The following SPG11 variants were observed in gnomAD, a reference collection of about 807,000 sequenced individuals.
SPG11 encodes the protein spatacsin.
A neutral mutation model predicts 274.0 loss-of-function variants in SPG11; 222 were observed. The observed-to-expected ratio is 0.81, with a 90% CI of 0.73 to 0.91. The LOEUF (loss-of-function observed/expected upper bound fraction) is 0.91, where lower values mean the gene tolerates loss of function less well. Ranked by LOEUF, SPG11 falls within the 40% of genes least tolerant of loss-of-function variation. SPG11 has a pLI of 0.00. For synonymous variants in SPG11, 1,144 were observed against 1,039.7 expected, an observed-to-expected ratio of 1.10 and a Z score of -1.93; for missense variants, 3,114 against 2,872.7, an observed-to-expected ratio of 1.08 and a Z score of -1.92.
chr15:44,581,149 A>G (rs1312199172), intron 30 of SPG11, among the ~76,000 whole-genome samples: 1 of 152,190 alleles, frequency 6.6e-6, no homozygotes, highest in African/African-American at 2.4e-5. Flanking sequence ...TTCATCAGAC[A>G]CCATGGAGGC....
At chr15:44,604,326 C>G (rs1202835800) in intron 20 of SPG11, 2 of 260,616 alleles carry the variant, frequency 7.7e-6, no homozygotes, top group Non-Finnish European at 1.6e-5. Context: ...CTTGTGAGAA[C>G]AGAGCGACTT....
intron 8 of SPG11, among the ~76,000 whole-genome samples, chr15:44,632,538 G>A (rs1340518012): frequency 6.7e-6 from 1 of 149,218 alleles, no homozygotes; most frequent in East Asian, 1.9e-4. Context: ...TTTTTTGAGA[G>A]TCGTACTTTG....
At position 44,663,479 on chromosome 15, in the gene SPG11, G is replaced by C. The variant is rs777780299; in HGVS notation, c.169C>G (p.Leu57Val). Residue 57 changes from leucine (L) to valine (V), a missense_variant, in exon 1 of 40, where the codon CTG becomes GTG. Physicochemically the swap from Leu to Val is conservative, Grantham distance 32. Coordinates refer to ENST00000261866, the MANE Select transcript of SPG11 (RefSeq NM_025137.4). ...ACTTGGAGGCTGCCCGCAGCCGTCAGGCTCCCCAGAGCCTCCGGCTGTGTG... is the reference window on the plus strand; with the variant it reads ...ACTTGGAGGCTGCCCGCAGCCGTCACGCTCCCCAGAGCCTCCGGCTGTGTG... ...LRTQPEALGS[L>V]TAAGSLQVLS... 1 of 1,593,852 alleles carries C rather than the reference G, an allele frequency of 6.3e-7. No individual in the cohort carries two copies. Among genetic ancestry groups the C allele is most frequent in the South Asian group, 1.1e-5 (1 of 88,656 alleles).
At chr15:44,604,789 G>A (rs752490475) in intron 20 of SPG11, among the ~76,000 whole-genome samples, 3 of 151,500 alleles carry the variant, frequency 2.0e-5, no homozygotes, top group Non-Finnish European at 4.4e-5. Context: ...TTAGCCAGGC[G>A]TGGTGGTGGG....
chr15:44,585,600 T>C lies in SPG11; in HGVS notation c.5121+36A>G, dbSNP rs1380908322. The C allele has an allele frequency of 9.2e-6, 12 of 1,300,256 alleles. No individual in the cohort carries two copies. In the Admixed American group the frequency reaches 2.2e-4, roughly 24 times the overall value. The allele number at this position is 1,300,256 out of a possible 1,614,324, so 80.5% of individuals were successfully genotyped here. On this transcript the variant is annotated intron_variant, in intron 29 of 39. Coordinates refer to ENST00000261866, the MANE Select transcript of SPG11 (RefSeq NM_025137.4). ...CTGGGTGACAGAGCAAGACCCCGTA[T>C]CTAAAAAAAAAAAAAAAAAAAAAGA...
At chr15:44,620,513 A>G (rs1351512112) in intron 14 of SPG11, 110 bp from the exon 15 acceptor site, 1 of 785,704 alleles carries the variant, frequency 1.3e-6, no homozygotes, top group South Asian at 1.8e-5. Context: ...ATATTTATAC[A>G]ATATATTAAT....
At chr15:44,577,111 A>G (rs1170951600) in intron 30 of SPG11, among the ~76,000 whole-genome samples, 1 of 152,166 alleles carries the variant, frequency 6.6e-6, no homozygotes, top group African/African-American at 2.4e-5. Context: ...TACAGGCATG[A>G]GCCACTGTGC....
chr15:44,620,172 G>C lies in SPG11; in HGVS notation c.2834+18C>G. ...CTTGTATTCTTCCCATTGGGTATTA[G>C]TTCAACAGTTATAATACCTGGCCAG... is the stretch of plus-strand genomic sequence containing the variant. On this transcript the variant is annotated intron_variant, in intron 15 of 39. Coordinates refer to ENST00000261866, the MANE Select transcript of SPG11 (RefSeq NM_025137.4). The C allele has an allele frequency of 6.3e-7, 1 of 1,579,604 alleles. No individual in the cohort carries two copies. Among genetic ancestry groups the C allele is most frequent in the South Asian group, 1.1e-5 (1 of 90,248 alleles).
Position 44,565,954 on chromosome 15 carries a change from A to G in SPG11, c.6899T>C (p.Leu2300Pro), listed in dbSNP as rs371334506. 8.1e-6 allele frequency: 13 copies of G among 1,613,886 alleles called. No individual in the cohort carries two copies. The highest frequency in any genetic ancestry group is 1.1e-5 in the Non-Finnish European group (13 of 1,180,018). Residue 2300 changes from leucine to proline, a missense_variant, in exon 38 of 40, where the codon CTG (leucine) becomes CCG (proline). Transcript: ENST00000261866. ...HCQRLTKLITLQIHFLNTGQN... is the reference protein window; with the variant it reads ...HCQRLTKLITPQIHFLNTGQN... Reference sequence around the variant, plus strand: ...GCCAGTGTTCAGAAAGTGAATCTGCAGAGTTATCAACTTGGTGAGCCGCTG... The same window carrying G: ...GCCAGTGTTCAGAAAGTGAATCTGCGGAGTTATCAACTTGGTGAGCCGCTG...
intron 7 of SPG11, 39 bp downstream of exon 7, chr15:44,648,827 A>G (rs956450922): frequency 6.2e-7 from 1 of 1,603,388 alleles, no homozygotes; most frequent in Admixed American, 1.7e-5. Flanking sequence ...TATAACACAA[A>G]ATAATTAAGT....
intron 2 of SPG11, 111 bp downstream of exon 2, chr15:44,660,321 A>G (rs979583326): frequency 1.3e-5 from 12 of 907,576 alleles, no homozygotes; most frequent in Middle Eastern, 2.7e-4. Context: ...AGTGACTACT[A>G]TATCAGACAG....
At chr15:44,606,131 T>C (rs763024926) in intron 19 of SPG11, 40 bp from the exon 20 acceptor site, 8 of 1,583,728 alleles carry the variant, frequency 5.1e-6, no homozygotes, top group Non-Finnish European at 5.2e-6. Context: ...AGAAGTTCAC[T>C]GATTATAAAA....
intron 8 of SPG11, among the ~76,000 whole-genome samples, chr15:44,632,917 T>C (rs1006472973): frequency 3.3e-5 from 5 of 152,316 alleles, no homozygotes; most frequent in East Asian, 1.9e-4. Context: ...TTTTCTGTTG[T>C]GTATAAAACT....
At position 44,633,606 on chromosome 15, in the gene SPG11, A is replaced by C. The variant is rs2141056960; in HGVS notation, c.1634T>G (p.Val545Gly). The part of the protein sequence containing the change: ...AGIENRQLDT[V>G]NFFLKSKENL... ...TTCCTTGCTCTTCAAAAAGAAATTT[A>C]CTGTGTCCAGCTGACGATTTTCTAT... The change falls in exon 8 of 40, where the codon GTA (valine) becomes GGA (glycine). Residue 545 changes from valine to glycine, a missense_variant. By Grantham distance (109) the Val-to-Gly change is moderately radical. Coordinates refer to ENST00000261866, the MANE Select transcript of SPG11 (RefSeq NM_025137.4). 1.2e-6 allele frequency: 2 copies of C among 1,613,758 alleles called. No individual in the cohort carries two copies. Among genetic ancestry groups the C allele is most frequent in the Non-Finnish European group, 1.7e-6 (2 of 1,179,842 alleles).
chr15:44,608,712 G>T, intron 18 of SPG11, 107 bp from the exon 19 acceptor site: 1 of 1,084,880 alleles, frequency 9.2e-7, no homozygotes, highest in Non-Finnish European at 1.3e-6. Context: ...AGAAGAGTAT[G>T]TGGTAGTGAA....
At chr15:44,577,502 CAAAA>C (rs755097423) in intron 30 of SPG11, among the ~76,000 whole-genome samples, 6 of 91,706 alleles carry the variant, frequency 6.5e-5, no homozygotes, top group Non-Finnish European at 2.1e-5. Flanking sequence ...GGCCCTATCT[CAAAA>C]AAAAAAAAAA....
At chr15:44,648,512 CAAAAAAAA>C (rs57643988) in intron 7 of SPG11, among the ~76,000 whole-genome samples, 1 of 54,180 alleles carries the variant, frequency 1.8e-5, no homozygotes, top group South Asian at 6.0e-4. Flanking sequence ...CACCCTGTGT[CAAAAAAAA>C]AAAAAAAAAA....
intron 31 of SPG11, among the ~76,000 whole-genome samples, chr15:44,574,017 A>AGG (rs1555447629): frequency 6.6e-6 from 1 of 151,380 alleles, no homozygotes; most frequent in Non-Finnish European, 1.5e-5. Flanking sequence ...CAGGGTTGGG[A>AGG]GGGGTGGCAG....
chr15:44,564,620 C>G lies in SPG11; in HGVS notation c.7078G>C (p.Asp2360His). 6.2e-7 allele frequency: 1 copy of G among 1,613,620 alleles called. No individual in the cohort carries two copies. Among genetic ancestry groups the G allele is most frequent in the Non-Finnish European group, 8.5e-7 (1 of 1,179,534 alleles). The change falls in exon 39 of 40, where the codon GAC becomes CAC. Residue 2360 changes from aspartate (D) to histidine (H), a missense_variant. Physicochemically the swap from Asp to His is moderately conservative, Grantham distance 81. Coordinates refer to ENST00000261866, the MANE Select transcript of SPG11 (RefSeq NM_025137.4). ...ILYQQVILKG[D>H]FNYLEEFKQQ... is the part of the protein sequence containing the mutation. Reference sequence around the variant, plus strand: ...TTAAATTCTTCCAAGTAATTAAAGTCTCCTTTAAGAATCACTTGCTGGTAT... The same window carrying G: ...TTAAATTCTTCCAAGTAATTAAAGTGTCCTTTAAGAATCACTTGCTGGTAT...
Sources: allele counts gnomAD v4.1 joint callset (sites outside exome capture counted in the v4.1 genomes callset), GRCh38; gene constraint gnomAD v4.1.1; transcripts MANE v1.5; gene names NCBI Gene and HGNC (gene_info 2026-07-23, HGNC 2026-07-21).